The following FBXW4 variants were observed in gnomAD, a reference collection of about 807,000 sequenced individuals.
The protein encoded by FBXW4 is F-box and WD repeat domain containing 4.
FBXW4 carries 40 observed loss-of-function variants against 61.8 expected under a neutral mutation model. The ratio of observed to expected loss-of-function variants is 0.65; its 90% confidence interval spans 0.50 to 0.84. FBXW4 has a LOEUF of 0.84. Ranked by LOEUF, FBXW4 falls within the 40% of genes least tolerant of loss-of-function variation. The probability of loss-of-function intolerance (pLI) is 0.00; values close to 1 mark genes in which losing one functional copy is unlikely to be tolerated. For synonymous variants in FBXW4, 311 were observed against 313.8 expected (o/e 0.99, Z 0.10); for missense variants, 672 against 753.8 (o/e 0.89, Z 1.27).
intron 1 of FBXW4, among the ~76,000 whole-genome samples, chr10:101,678,721 C>T (rs915126678): frequency 6.6e-6 from 1 of 152,204 alleles, no homozygotes; most frequent in African/African-American, 2.4e-5. Context: ...AGCCACCGCG[C>T]CCGGCGAGAT....
chr10:101,624,558 A>G (rs1171924999), intron 6 of FBXW4, among the ~76,000 whole-genome samples, 187 bp downstream of exon 6: 1 of 152,232 alleles, frequency 6.6e-6, no homozygotes. Context: ...ATTATAAATT[A>G]CTTCAGCAGT....
At chr10:101,650,960 C>G (rs1235468352) in intron 5 of FBXW4, among the ~76,000 whole-genome samples, 2 of 152,208 alleles carry the variant, frequency 1.3e-5, no homozygotes, top group Admixed American at 1.3e-4. Context: ...TGGGAAATAA[C>G]GCCACTATGC....
intron 1 of FBXW4, among the ~76,000 whole-genome samples, chr10:101,690,820 G>A (rs1417614850): frequency 1.3e-5 from 2 of 152,302 alleles, no homozygotes; most frequent in Admixed American, 6.5e-5. Context: ...TGAGAGAAAC[G>A]AAGCACAGTG....
In FBXW4 at chr10:101,640,484, CTTTTTTTTT is replaced by C. The variant is rs386372272; in HGVS notation, c.1236-15683_1236-15675del. Among the ~76,000 whole-genome samples, 49 of 83,890 alleles carry C rather than the reference CTTTTTTTTT, an allele frequency of 5.8e-4. No individual in the cohort carries two copies. In the South Asian group the frequency reaches 0.013, roughly 23 times the overall value. 55.0% of individuals were successfully genotyped at this position (83,890 alleles called of 152,430 possible). A position where few individuals can be genotyped will look rare whatever the true frequency, so the allele number is the denominator to read the frequency against. On this transcript the variant is annotated intron_variant, in intron 5 of 8. Transcript: ENST00000331272. ...TCTTTTCTTTTCTTTCTTTCTTTCT[CTTTTTTTTT>C]TTTTTTTTTTTTTTGAGAGAGAGAG...
chr10:101,674,520 C>T (rs1411525579), intron 2 of FBXW4, among the ~76,000 whole-genome samples: 3 of 152,136 alleles, frequency 2.0e-5, no homozygotes, highest in Non-Finnish European at 4.4e-5. Context: ...GCCCCATTCC[C>T]TTATTCTGTT....
At chr10:101,669,581 G>A (rs1189257245) in intron 4 of FBXW4, among the ~76,000 whole-genome samples, 5 of 152,172 alleles carry the variant, frequency 3.3e-5, no homozygotes. Flanking sequence ...TTCTGAGCAA[G>A]ATCTTAGGAA....
intron 1 of FBXW4, among the ~76,000 whole-genome samples, chr10:101,684,943 A>G (rs1215812097): frequency 2.0e-5 from 3 of 152,196 alleles, no homozygotes; most frequent in African/African-American, 7.2e-5. Context: ...GAGGGCATGG[A>G]GCTGACTGAA....
intron 2 of FBXW4, among the ~76,000 whole-genome samples, chr10:101,675,012 C>G (rs1367584798): frequency 6.6e-6 from 1 of 152,192 alleles, no homozygotes; most frequent in African/African-American, 2.4e-5. Context: ...CCAAGCCTGT[C>G]TGAGTAAACT....
intron 5 of FBXW4, among the ~76,000 whole-genome samples, chr10:101,627,645 C>T (rs913076460): frequency 3.3e-5 from 5 of 152,156 alleles, no homozygotes; most frequent in African/African-American, 1.2e-4. Context: ...CAGGGTACAA[C>T]AGATACAAGG....
intron 4 of FBXW4, 89 bp from the exon 5 acceptor site, chr10:101,668,069 G>A: frequency 1.0e-6 from 1 of 957,012 alleles, no homozygotes; most frequent in Non-Finnish European, 1.7e-6. Flanking sequence ...TGTTGGAGGT[G>A]GAGAAATGGG....
chr10:101,646,570 G>A (rs2064099621), intron 5 of FBXW4, among the ~76,000 whole-genome samples: 1 of 152,222 alleles, frequency 6.6e-6, no homozygotes, highest in Non-Finnish European at 1.5e-5. Flanking sequence ...CTTGGGCTGG[G>A]GCCCAGACTG....
intron 5 of FBXW4, among the ~76,000 whole-genome samples, chr10:101,649,698 G>C (rs2064130402): frequency 6.6e-6 from 1 of 152,184 alleles, no homozygotes; most frequent in Non-Finnish European, 1.5e-5. Context: ...TCCCAAGACA[G>C]TCTGAAGGAT....
rs1467507790 is a variant in FBXW4 at position 101,673,610 on chromosome 10, C to T, written c.885G>A (p.Leu295=). The change falls in exon 3 of 9, where the codon CTG becomes CTA. Residue 295 remains leucine, a synonymous_variant. Transcript: ENST00000331272. ...CACCATCTGGACGGAACTGGTAGGC[C>T]AGGATGAAATTAGCCTGGGATATGT... The part of the protein sequence containing the change: ...SLYISQANFI[L]AYQFRPDGAS... The T allele has an allele frequency of 1.2e-6, 2 of 1,614,050 alleles. No individual in the cohort carries two copies. The highest frequency in any genetic ancestry group is 1.7e-6 in the Non-Finnish European group (2 of 1,179,932).
intron 5 of FBXW4, among the ~76,000 whole-genome samples, chr10:101,664,888 A>T (rs2064283604): frequency 6.6e-6 from 1 of 152,214 alleles, no homozygotes; most frequent in Non-Finnish European, 1.5e-5. Context: ...CATATAGATT[A>T]TTTCAGGTCA....
At chr10:101,666,830 G>A (rs1303338753) in intron 5 of FBXW4, among the ~76,000 whole-genome samples, 1 of 152,080 alleles carries the variant, frequency 6.6e-6, no homozygotes, top group Non-Finnish European at 1.5e-5. Context: ...GCCAAGATGG[G>A]AGGATCACTT....
intron 5 of FBXW4, among the ~76,000 whole-genome samples, chr10:101,658,500 G>C (rs996305274): frequency 6.6e-6 from 1 of 152,122 alleles, no homozygotes; most frequent in Admixed American, 6.5e-5. Flanking sequence ...AGCCGAGATC[G>C]CGCCACTGCA....
intron 5 of FBXW4, among the ~76,000 whole-genome samples, chr10:101,658,550 CA>C (rs1362344435): frequency 2.0e-5 from 3 of 151,980 alleles, no homozygotes; most frequent in Admixed American, 1.3e-4. Flanking sequence ...GTCTGGGTGG[CA>C]GGGGGGAATG....
chr10:101,681,787 C>T (rs1014340478), intron 1 of FBXW4, among the ~76,000 whole-genome samples: 7 of 150,576 alleles, frequency 4.6e-5, no homozygotes, highest in African/African-American at 1.7e-4. Context: ...ATAGATGGTG[C>T]TTTATTAAGT....
chr10:101,659,797 C>T (rs1417332074), intron 5 of FBXW4, among the ~76,000 whole-genome samples: 1 of 152,178 alleles, frequency 6.6e-6, no homozygotes, highest in African/African-American at 2.4e-5. Context: ...GGTATGCATA[C>T]ACATATCCAT....
Sources: gnomAD v4.1 joint callset for allele counts (sites outside exome capture counted in the v4.1 genomes callset) on GRCh38, gnomAD v4.1.1 for gene constraint, MANE v1.5 for transcripts, NCBI Gene and HGNC (gene_info 2026-07-23, HGNC 2026-07-21) for gene names.